DOCK10: variants seen among roughly 807,000 people sequenced by gnomAD.
DOCK10 encodes dedicator of cytokinesis 10.
A neutral mutation model predicts 280.1 loss-of-function variants in DOCK10; 145 were observed. The observed-to-expected ratio is 0.52, with a 90% CI of 0.45 to 0.59. The LOEUF (loss-of-function observed/expected upper bound fraction) is 0.59. Ranked by LOEUF, DOCK10 falls within the 20% of genes least tolerant of loss-of-function variation. The pLI, the probability that DOCK10 is intolerant of heterozygous loss-of-function variation, is 0.00. For missense variants in DOCK10, 2,368 were observed against 2,651.7 expected, an observed-to-expected ratio of 0.89 and a Z score of 2.35; for synonymous variants, 915 against 942.2, an observed-to-expected ratio of 0.97 and a Z score of 0.53.
intron 1 of DOCK10, among the ~76,000 whole-genome samples, chr2:224,933,847 T>A (rs1489545324): frequency 6.6e-6 from 1 of 152,220 alleles, no homozygotes; most frequent in Non-Finnish European, 1.5e-5. Flanking sequence ...TGAGAGGACT[T>A]CTATAATCGG....
chr2:224,886,275 CTT>C (rs1380485782), intron 5 of DOCK10, 90 bp from the exon 6 acceptor site: 2 of 1,559,476 alleles, frequency 1.3e-6, no homozygotes, highest in Non-Finnish European at 1.7e-6. Flanking sequence ...CTCTTCCTCT[CTT>C]TGACTCATCT....
intron 4 of DOCK10, among the ~76,000 whole-genome samples, chr2:224,886,882 C>G (rs1699318283): frequency 7.2e-6 from 1 of 139,148 alleles, no homozygotes; most frequent in Non-Finnish European, 1.5e-5. Context: ...ATGCAGCACC[C>G]CCAACACCCC....
At chr2:224,877,471 G>T (rs1190421493) in intron 7 of DOCK10, among the ~76,000 whole-genome samples, 2 of 151,198 alleles carry the variant, frequency 1.3e-5, no homozygotes, top group African/African-American at 4.9e-5. Flanking sequence ...TATTGGAATA[G>T]GTTCCTATTC....
chr2:224,865,203 C>G lies in DOCK10; in HGVS notation c.1258-116G>C, dbSNP rs559938829. 30 of 955,418 alleles carry G rather than the reference C, an allele frequency of 3.1e-5. No homozygotes were observed. In the East Asian group the frequency reaches 6.8e-4, roughly 22 times the overall value. 59.2% of individuals were successfully genotyped at this position (955,418 alleles called of 1,614,324 possible). A position where few individuals can be genotyped will look rare whatever the true frequency, so the allele number is the denominator to read the frequency against. On this transcript the variant is annotated intron_variant, in intron 11 of 55. Transcript: ENST00000258390. ...TAAAATACATGCAGCAGGCAAGCTC[C>G]CCTTGACTCAGTGACCCGGAATCCT... is the stretch of plus-strand genomic sequence containing the variant.
chr2:224,807,558 A>G (rs1693475772), intron 33 of DOCK10, 110 bp downstream of exon 33: 2 of 696,812 alleles, frequency 2.9e-6, no homozygotes, highest in African/African-American at 3.6e-5. Flanking sequence ...GTGTTGTTCA[A>G]TGCCTAGTAT....
rs1005409901 is a variant in DOCK10, at chr2:224,768,105, C to T, written c.6444+2106G>A. Reference sequence around the variant, plus strand: ...TTTTTTTTTGTATTTTTAGTAGTGACGGGGTTTCACCATGTTGGCCAAGCT... The same window carrying T: ...TTTTTTTTTGTATTTTTAGTAGTGATGGGGTTTCACCATGTTGGCCAAGCT... On this transcript the variant is annotated intron_variant, in intron 55 of 55. Transcript: ENST00000258390. Among the ~76,000 whole-genome samples, 5 of 150,954 alleles carry T rather than the reference C, an allele frequency of 3.3e-5. No individual in the cohort carries two copies. In the East Asian group the frequency reaches 5.8e-4, roughly 18 times the overall value.
At chr2:224,854,892 C>G (rs2125564594) in intron 16 of DOCK10, 71 bp downstream of exon 16, 16 of 1,032,522 alleles carry the variant, frequency 1.5e-5, no homozygotes, top group East Asian at 2.7e-5. Context: ...ACCAACCAAC[C>G]AACCAAAACA....
intron 20 of DOCK10, 66 bp from the exon 21 acceptor site, chr2:224,845,390 G>A: frequency 6.5e-7 from 1 of 1,533,562 alleles, no homozygotes; most frequent in Non-Finnish European, 8.8e-7. Context: ...TCACAATAAT[G>A]CTATTTATTA....
Position 224,853,026 on chromosome 2 carries a change from G to C in DOCK10, c.1985C>G (p.Thr662Arg). 6.2e-7 allele frequency: 1 copy of C among 1,612,142 alleles called. No homozygotes were observed. The highest frequency in any genetic ancestry group is 8.5e-7 in the Non-Finnish European group (1 of 1,178,674). The change falls in exon 17 of 56, where the codon ACA (threonine) becomes AGA (arginine). Residue 662 changes from threonine to arginine, a missense_variant. By Grantham distance (71) the Thr-to-Arg change is moderately conservative. Around this residue, in one of 2 missense-constraint regions of DOCK10, gnomAD observed 1,209 missense variants for 1,250.9 expected, o/e 0.97. Coordinates refer to ENST00000258390, the MANE Select transcript of DOCK10 (RefSeq NM_014689.3). ...VEVEEFVYDS[T>R]KYCRPYRVYK... is the part of the protein sequence containing the mutation. ...TACTCTGTAAGGCCGACAATACTTTGTTGAATCGTAAACAAATTCTTCCAC... is the reference window on the plus strand; with the variant it reads ...TACTCTGTAAGGCCGACAATACTTTCTTGAATCGTAAACAAATTCTTCCAC...
At chr2:224,928,578 T>TGAGGAAC in intron 2 of DOCK10, among the ~76,000 whole-genome samples, 1 of 152,204 alleles carries the variant, frequency 6.6e-6, no homozygotes. Flanking sequence ...GCAGTTAAAA[T>TGAGGAAC]GAGGAACAAT....
chr2:224,775,763 C>T (rs115861692), intron 51 of DOCK10, among the ~76,000 whole-genome samples: 2,725 of 152,346 alleles, frequency 0.018, 73 homozygotes, highest in African/African-American at 0.057. Flanking sequence ...CCAAGGGCCA[C>T]TGCACCCAGC....
intron 28 of DOCK10, among the ~76,000 whole-genome samples, chr2:224,822,349 T>G (rs1190528477): frequency 2.0e-5 from 3 of 152,262 alleles, no homozygotes; most frequent in Non-Finnish European, 2.9e-5. Context: ...ATATAACTAA[T>G]TTCCATACAT....
chr2:225,007,046 C>T (rs535877409), intron 1 of DOCK10, among the ~76,000 whole-genome samples: 1 of 152,270 alleles, frequency 6.6e-6, no homozygotes, highest in East Asian at 1.9e-4. Context: ...ATAGATTCTG[C>T]AATCCATCAT....
chr2:224,973,453 G>A lies in DOCK10; in HGVS notation c.124-41785C>T, dbSNP rs74569194. ...AGTCAGAGATCAGAGTCGGAGAGTC[G>A]CTGGAAGACACTATGCTTCTGGCTT... On this transcript the variant is annotated intron_variant, in intron 1 of 55. Transcript: ENST00000258390. Among the ~76,000 whole-genome samples, 5 of 151,942 alleles carry A rather than the reference G, an allele frequency of 3.3e-5. No homozygotes were observed. The South Asian group carries it at 6.2e-4, about 19-fold the overall frequency.
intron 1 of DOCK10, among the ~76,000 whole-genome samples, chr2:224,971,411 G>C (rs879852665): frequency 6.6e-6 from 1 of 152,040 alleles, no homozygotes; most frequent in Non-Finnish European, 1.5e-5. Context: ...AGGAATGGGC[G>C]CGGTTGCACT....
intron 1 of DOCK10, among the ~76,000 whole-genome samples, chr2:224,966,169 A>G (rs995597777): frequency 6.6e-6 from 1 of 152,006 alleles, no homozygotes; most frequent in Non-Finnish European, 1.5e-5. Flanking sequence ...CCTATACACC[A>G]TCCACTCTTA....
chr2:224,908,512 C>T (rs751994354), intron 3 of DOCK10, among the ~76,000 whole-genome samples: 13 of 151,234 alleles, frequency 8.6e-5, no homozygotes, highest in Middle Eastern at 3.2e-3. Context: ...TATTTTTCTA[C>T]GGACAGAGTC....
intron 31 of DOCK10, among the ~76,000 whole-genome samples, chr2:224,809,769 A>G (rs1048371036): frequency 6.6e-6 from 1 of 152,042 alleles, no homozygotes; most frequent in African/African-American, 2.4e-5. Flanking sequence ...CGGTCATTAT[A>G]GGAAACAGTA....
intron 31 of DOCK10, among the ~76,000 whole-genome samples, chr2:224,811,903 T>C (rs1358882579): frequency 1.3e-5 from 2 of 152,144 alleles, no homozygotes; most frequent in Non-Finnish European, 2.9e-5. Flanking sequence ...GTAGTATAGT[T>C]TGAAGTCAGG....
Sources: gnomAD v4.1 joint callset for allele counts (sites outside exome capture counted in the v4.1 genomes callset) on GRCh38, gnomAD v4.1.1 for gene constraint, gnomAD v4.1.1 regional missense constraint, MANE v1.5 for transcripts, NCBI Gene and HGNC (gene_info 2026-07-23, HGNC 2026-07-21) for gene names.